PIK3CB: variants seen among roughly 807,000 people sequenced by gnomAD.
The protein encoded by PIK3CB is phosphatidylinositol 4,5-bisphosphate 3-kinase catalytic subunit beta isoform.
Under a neutral mutation model 136.8 loss-of-function variants are expected in PIK3CB, and 39 were observed. The observed-to-expected ratio is 0.29, with a 90% CI of 0.22 to 0.37. PIK3CB has a LOEUF of 0.37. Ranked by LOEUF, PIK3CB falls within the 10% of genes least tolerant of loss-of-function variation. PIK3CB has a pLI of 1.00. For synonymous variants in PIK3CB, 428 were observed against 436.6 expected (o/e 0.98, Z 0.25); for missense variants, 868 against 1,275.4 (o/e 0.68, Z 4.87).
chr3:138,655,794 G>C (rs1457889756), intron 23 of PIK3CB, among the ~76,000 whole-genome samples: 2 of 152,186 alleles, frequency 1.3e-5, no homozygotes, highest in East Asian at 1.9e-4. Flanking sequence ...AATCCAGTAA[G>C]ATGACTCAAG....
At chr3:138,801,321 T>C (rs2046173184) in intron 1 of PIK3CB, among the ~76,000 whole-genome samples, 1 of 152,210 alleles carries the variant, frequency 6.6e-6, no homozygotes, top group Non-Finnish European at 1.5e-5. Context: ...AGCCTCCCCA[T>C]TTTATGTTCA....
chr3:138,662,556 G>A (rs1288777680), intron 21 of PIK3CB, among the ~76,000 whole-genome samples: 3 of 148,790 alleles, frequency 2.0e-5, no homozygotes, highest in Middle Eastern at 3.2e-3. Flanking sequence ...ATTGTGAATA[G>A]TGCCGCAATA....
Position 138,737,777 on chromosome 3 carries a change from T to A in PIK3CB, c.731A>T (p.Tyr244Phe). The change falls in exon 6 of 24, where the codon TAT becomes TTT. Residue 244 changes from tyrosine (Y) to phenylalanine (F), a missense_variant. Physicochemically the swap from Tyr to Phe is conservative, Grantham distance 22 (BLOSUM62 3). Coordinates refer to ENST00000674063, the MANE Select transcript of PIK3CB (RefSeq NM_006219.3). ...CCCGCTGACTTGCAACACATAATCA[T>A]AGGGGCTAACTTCATCTTCCTTCCC... ...IHGKEDEVSP[Y>F]DYVLQVSGRV... 1 of 1,612,546 alleles carries A rather than the reference T, an allele frequency of 6.2e-7. No individual in the cohort carries two copies. Among genetic ancestry groups the A allele is most frequent in the Non-Finnish European group, 8.5e-7 (1 of 1,179,088 alleles).
intron 14 of PIK3CB, among the ~76,000 whole-genome samples, chr3:138,692,786 A>G (rs1458409291): frequency 6.6e-6 from 1 of 152,226 alleles, no homozygotes; most frequent in Non-Finnish European, 1.5e-5. Context: ...TAAAGTACAT[A>G]AGCCTCACTT....
intron 2 of PIK3CB, among the ~76,000 whole-genome samples, chr3:138,775,596 G>A (rs908652133): frequency 2.0e-5 from 3 of 152,212 alleles, no homozygotes; most frequent in African/African-American, 7.2e-5. Flanking sequence ...TGGGGATCAG[G>A]CTATGTCATC....
chr3:138,747,584 G>A (rs1174524341), intron 4 of PIK3CB, among the ~76,000 whole-genome samples: 3 of 151,622 alleles, frequency 2.0e-5, no homozygotes, highest in Non-Finnish European at 2.9e-5. Flanking sequence ...AACTGCAAAT[G>A]GCACCATGTA....
intron 21 of PIK3CB, among the ~76,000 whole-genome samples, chr3:138,658,791 A>G (rs896735700): frequency 6.6e-6 from 1 of 152,196 alleles, no homozygotes; most frequent in Non-Finnish European, 1.5e-5. Context: ...TCATTCATTC[A>G]TTTAGCTTAG....
chr3:138,832,732 G>A (rs898454771), intron 1 of PIK3CB, among the ~76,000 whole-genome samples: 1 of 151,896 alleles, frequency 6.6e-6, no homozygotes, highest in African/African-American at 2.4e-5. Context: ...GGGAGGCTAT[G>A]GCAGGAGAAT....
intron 4 of PIK3CB, among the ~76,000 whole-genome samples, chr3:138,754,643 G>A (rs754153206): frequency 1.2e-4 from 19 of 152,132 alleles, no homozygotes. Flanking sequence ...ACCCTCTGAA[G>A]TAATCAAATA....
At chr3:138,816,870 G>A (rs1202357726) in intron 1 of PIK3CB, among the ~76,000 whole-genome samples, 1 of 152,066 alleles carries the variant, frequency 6.6e-6, no homozygotes, top group African/African-American at 2.4e-5. Flanking sequence ...AAACCTTAGA[G>A]GTCCTATGTA....
intron 6 of PIK3CB, among the ~76,000 whole-genome samples, chr3:138,735,170 A>G (rs2045077728): frequency 6.6e-6 from 1 of 151,976 alleles, no homozygotes; most frequent in Admixed American, 6.6e-5. Context: ...GCTGGTCTTG[A>G]ACTCCTGAGC....
intron 19 of PIK3CB, among the ~76,000 whole-genome samples, chr3:138,672,874 T>G (rs1459731666): frequency 7.5e-6 from 1 of 132,452 alleles, no homozygotes; most frequent in East Asian, 2.2e-4. Flanking sequence ...ATCGTGCCAC[T>G]GCACTCCAGC....
At chr3:138,722,789 A>T (rs141221322) in intron 8 of PIK3CB, among the ~76,000 whole-genome samples, 2 of 152,170 alleles carry the variant, frequency 1.3e-5, no homozygotes, top group African/African-American at 4.8e-5. Context: ...TGTGATCTTG[A>T]AAAGAATAAC....
At chr3:138,659,548 T>A (rs1194817583) in intron 21 of PIK3CB, among the ~76,000 whole-genome samples, 1 of 152,066 alleles carries the variant, frequency 6.6e-6, no homozygotes. Context: ...GTTATCGAAT[T>A]TTAGGTTAGA....
intron 11 of PIK3CB, among the ~76,000 whole-genome samples, chr3:138,705,707 C>T (rs979423187): frequency 6.6e-6 from 1 of 152,150 alleles, no homozygotes; most frequent in African/African-American, 2.4e-5. Context: ...GTAGTTTGTA[C>T]TCAAGCGGAT....
At chr3:138,785,092 G>A (rs993915180) in intron 2 of PIK3CB, among the ~76,000 whole-genome samples, 3 of 151,562 alleles carry the variant, frequency 2.0e-5, no homozygotes, top group Non-Finnish European at 2.9e-5. Flanking sequence ...CGCCCTGTCC[G>A]GGAGGTGGGG....
At chr3:138,776,722 C>CAAAA (rs1259659560) in intron 2 of PIK3CB, among the ~76,000 whole-genome samples, 1 of 151,340 alleles carries the variant, frequency 6.6e-6, no homozygotes, top group Non-Finnish European at 1.5e-5. Flanking sequence ...AACAAACAAA[C>CAAAA]AAACAAAACC....
rs1373489939 is a variant in PIK3CB, at chr3:138,796,538, A to C, written c.-92T>G. 1 of 152,150 alleles carries C rather than the reference A, an allele frequency of 6.6e-6. No individual in the cohort carries two copies. Among genetic ancestry groups the C allele is most frequent in the African/African-American group, 2.4e-5 (1 of 41,442 alleles). 9.4% of individuals were successfully genotyped at this position (152,150 alleles called of 1,614,324 possible). A position where few individuals can be genotyped will look rare whatever the true frequency, so the allele number is the denominator to read the frequency against. On this transcript the variant is annotated 5_prime_UTR_variant, in exon 2 of 24. An upstream start codon of the reference 5' UTR is lost. Transcript: ENST00000674063. ...CTTATTTTTTAAAAGTGACGTTTTC[A>C]TGGAAGACTTTTTCCAGTTAAAACA... is the stretch of plus-strand genomic sequence containing the variant.
At chr3:138,819,726 A>G (rs1397870149) in intron 1 of PIK3CB, among the ~76,000 whole-genome samples, 1 of 152,064 alleles carries the variant, frequency 6.6e-6, no homozygotes, top group African/African-American at 2.4e-5. Context: ...TGTAATCCCA[A>G]CGCTTTAGGA....
Sources: gnomAD v4.1 joint callset for allele counts (sites outside exome capture counted in the v4.1 genomes callset) on GRCh38, gnomAD v4.1.1 for gene constraint, MANE v1.5 for transcripts, NCBI Gene and HGNC (gene_info 2026-07-23, HGNC 2026-07-21) for gene names.